PARP10: variants seen among roughly 807,000 people sequenced by gnomAD.
PARP10 encodes the protein poly(ADP-ribose) polymerase family member 10.
A neutral mutation model predicts 82.4 loss-of-function variants in PARP10; 56 were observed. The observed-to-expected ratio is 0.68, with a 90% CI of 0.55 to 0.85. PARP10 has a LOEUF of 0.85. Ranked by LOEUF, PARP10 falls within the 40% of genes least tolerant of loss-of-function variation. The pLI is 0.00. For missense variants in PARP10, 1,227 were observed against 1,379.4 expected (o/e 0.89, Z 1.75); for synonymous variants, 576 against 601.1 (o/e 0.96, Z 0.61).
At chr8:144,001,396 T>C (rs1834201731) in intron 1 of PARP10, among the ~76,000 whole-genome samples, 2 of 152,120 alleles carry the variant, frequency 1.3e-5, no homozygotes, top group Non-Finnish European at 2.9e-5. Context: ...AACCTTAGTT[T>C]TTAAAATATA....
chr8:143,983,592 G>A lies in PARP10; in HGVS notation c.1997C>T (p.Pro666Leu). Residue 666 changes from proline to leucine, a missense_variant, in exon 8 of 11, where the codon CCT (proline) becomes CTT (leucine). Pro to Leu is a moderately conservative substitution (Grantham distance 98, BLOSUM62 -3). Transcript: ENST00000313028. ...CTCCTGCTCAGCCACCTGACCTTGA[G>A]GCTCCAGTGACCGGTGGAGGGCCAG... ...LQLALHRSLEPQGQVAEQEEA... is the reference protein window; with the variant it reads ...LQLALHRSLELQGQVAEQEEA... The A allele has an allele frequency of 1.2e-6, 2 of 1,605,686 alleles. No homozygotes were observed. The highest frequency in any genetic ancestry group is 1.1e-5 in the South Asian group (1 of 89,650).
At position 143,978,088 on chromosome 8, in the gene PARP10, G is replaced by T; in HGVS notation, c.2557-7C>A. On this transcript the variant is annotated splice_region_variant and splice_polypyrimidine_tract_variant and intron_variant, in intron 9 of 10. Coordinates refer to ENST00000313028, the MANE Select transcript of PARP10 (RefSeq NM_032789.5). ...GGTGCGACACGCGCTCCACCTGCGG[G>T]GAAGGCCCGGGCCAGGATTAAACAC... is the stretch of plus-strand genomic sequence containing the variant. 1 of 1,502,666 alleles carries T rather than the reference G, an allele frequency of 6.7e-7. No homozygotes were observed. The highest frequency in any genetic ancestry group is 8.9e-7 in the Non-Finnish European group (1 of 1,126,486). The allele number at this position is 1,502,666 out of a possible 1,614,324, so 93.1% of individuals were successfully genotyped here.
chr8:144,012,759 G>A, exon 1 of PARP10: 1 of 1,548,984 alleles, frequency 6.5e-7, no homozygotes, highest in Non-Finnish European at 8.7e-7. Flanking sequence ...GAGTGAGGAG[G>A]GAAGTGGGGA....
At position 143,985,257 on chromosome 8, in the gene PARP10, T is replaced by C. The variant is rs11136344; in HGVS notation, c.745A>G (p.Ile249Val). ...TCAGCCAGCTCCTCGGGCTCCAGGA[T>C]GTCGTAGTGGGGGACAAGGCTCAGC... Reference protein sequence around the residue: ...SELSLVPHYDILEPEELAENT... With the variant: ...SELSLVPHYDVLEPEELAENT... Residue 249 changes from isoleucine to valine, a missense_variant, in exon 5 of 11, where the codon ATC (isoleucine) becomes GTC (valine). By Grantham distance (29) the Ile-to-Val change is conservative (BLOSUM62 3). Coordinates refer to ENST00000313028, the MANE Select transcript of PARP10 (RefSeq NM_032789.5). 0.42 allele frequency: 677,866 copies of C among 1,613,478 alleles called. 146,982 individuals are homozygous for C. The highest frequency in any genetic ancestry group is 0.6 in the African/African-American group (45,340 of 74,946).
chr8:143,992,625 CT>C, upstream of PARP10: 3 of 1,614,082 alleles, frequency 1.9e-6, no homozygotes, highest in Non-Finnish European at 2.5e-6. Context: ...GAGGGGTGAC[CT>C]TGGCCGGGGG....
chr8:144,000,153 A>G (rs1834191842), intron 1 of PARP10, among the ~76,000 whole-genome samples: 1 of 152,232 alleles, frequency 6.6e-6, no homozygotes. Context: ...CACCAAATTC[A>G]TATGCTGAAG....
intron 9 of PARP10, among the ~76,000 whole-genome samples, chr8:143,982,297 G>A (rs1362775643): frequency 1.3e-5 from 2 of 152,208 alleles, no homozygotes; most frequent in East Asian, 1.9e-4. Context: ...GTGAAACCCC[G>A]TCTCCACTAA....
chr8:144,009,410 G>A (rs1470665260), intron 1 of PARP10, among the ~76,000 whole-genome samples: 2 of 152,260 alleles, frequency 1.3e-5, no homozygotes, highest in East Asian at 3.9e-4. Context: ...GCCTTCTCCG[G>A]TTTTCCTGTC....
chr8:143,982,716 A>G (rs888808746), intron 9 of PARP10, among the ~76,000 whole-genome samples: 6 of 152,180 alleles, frequency 3.9e-5, no homozygotes, highest in Non-Finnish European at 7.4e-5. Context: ...ACCCTCACTC[A>G]GGCCTATCAG....
In PARP10 at chr8:143,977,349, G is replaced by T; in HGVS notation, c.*135C>A. On this transcript the variant is annotated 3_prime_UTR_variant, in exon 11 of 11. Transcript: ENST00000313028. Reference sequence around the variant, plus strand: ...GCTGCTGACCGCCATCCCCCACACCGCCTTCTGGAGCCCGCAGAGGGAGGC... The same window carrying T: ...GCTGCTGACCGCCATCCCCCACACCTCCTTCTGGAGCCCGCAGAGGGAGGC... The T allele has an allele frequency of 1.1e-6, 1 of 938,392 alleles. No individual in the cohort carries two copies. The highest frequency in any genetic ancestry group is 1.5e-6 in the Non-Finnish European group (1 of 647,888). 58.1% of individuals were successfully genotyped at this position (938,392 alleles called of 1,614,324 possible). A position where few individuals can be genotyped will look rare whatever the true frequency, so the allele number is the denominator to read the frequency against.
At chr8:143,986,526 G>A, upstream of PARP10, 1 of 975,090 alleles carries the variant, frequency 1.0e-6, no homozygotes, top group East Asian at 2.6e-5. Flanking sequence ...GGGTACTGGG[G>A]CTCAGATGCT....
At chr8:143,981,163 A>G (rs1833839593) in intron 9 of PARP10, among the ~76,000 whole-genome samples, 1 of 150,796 alleles carries the variant, frequency 6.6e-6, no homozygotes, top group African/African-American at 2.5e-5. Flanking sequence ...CGTATAATTA[A>G]CAAAACCACC....
chr8:143,987,675 G>A (rs1007395259), upstream of PARP10, among the ~76,000 whole-genome samples: 1 of 152,134 alleles, frequency 6.6e-6, no homozygotes, highest in Admixed American at 6.5e-5. Flanking sequence ...GGTGGATCAC[G>A]AGGTCAGGAG....
Position 143,984,115 on chromosome 8 carries a change from A to G in PARP10, c.1681-11T>C. On this transcript the variant is annotated splice_polypyrimidine_tract_variant and intron_variant, in intron 6 of 10. Transcript: ENST00000313028. ...CTCGGTAGGGTCCACCTGTAGGGAG[A>G]GGATGTCAGGACCACTAGCCTCTGG... is the stretch of plus-strand genomic sequence containing the variant. 6.4e-7 allele frequency: 1 copy of G among 1,553,684 alleles called. No individual in the cohort carries two copies. Among genetic ancestry groups the G allele is most frequent in the Non-Finnish European group, 8.7e-7 (1 of 1,148,302 alleles).
chr8:143,983,786 G>C lies in PARP10; in HGVS notation c.1803C>G (p.Thr601=). 1.3e-6 allele frequency: 2 copies of C among 1,599,380 alleles called. No homozygotes were observed. Among genetic ancestry groups the C allele is most frequent in the Non-Finnish European group, 8.5e-7 (1 of 1,170,724 alleles). Residue 601 remains threonine, a synonymous_variant, in exon 8 of 11, where the codon ACC becomes ACG. Coordinates refer to ENST00000313028, the MANE Select transcript of PARP10 (RefSeq NM_032789.5). The part of the protein sequence containing the change: ...SLEEVRELLA[T]LEGLDLDGED... ...CCCCGTCTAGGTCTAGGCCCTCCAGGGTGGCCAGCAGTTCTCGGACCTCCT... is the reference window on the plus strand; with the variant it reads ...CCCCGTCTAGGTCTAGGCCCTCCAGCGTGGCCAGCAGTTCTCGGACCTCCT...
Position 143,977,585 on chromosome 8 carries a change from C to G in PARP10, c.2977G>C (p.Asp993His). The stretch of plus-strand genomic sequence containing the variant: ...AGGTGGGTGGGCAGCGCCTGGGTGT[C>G]GTGGAAGATGACGAAGATGCTGGGC... ...CQPSIFVIFH[D>H]TQALPTHLIT... Residue 993 changes from aspartate (D) to histidine (H), a missense_variant, in exon 11 of 11, where the codon GAC (aspartate) becomes CAC (histidine). Physicochemically the swap from Asp to His is moderately conservative, Grantham distance 81. Coordinates refer to ENST00000313028, the MANE Select transcript of PARP10 (RefSeq NM_032789.5). The G allele has an allele frequency of 6.3e-7, 1 of 1,579,030 alleles. No homozygotes were observed.
At chr8:143,994,754 G>C (rs1834150478), upstream of PARP10, among the ~76,000 whole-genome samples, 1 of 151,988 alleles carries the variant, frequency 6.6e-6, no homozygotes, top group Non-Finnish European at 1.5e-5. Flanking sequence ...GCAGCGAGTG[G>C]GCCACACGGC....
intron 1 of PARP10, among the ~76,000 whole-genome samples, chr8:144,004,281 T>C (rs1448684113): frequency 2.0e-5 from 3 of 152,038 alleles, no homozygotes; most frequent in African/African-American, 7.2e-5. Flanking sequence ...GAAATCTGCA[T>C]GGTGTCCCCC....
intron 1 of PARP10, among the ~76,000 whole-genome samples, chr8:144,007,004 G>A (rs555271645): frequency 2.0e-5 from 3 of 152,174 alleles, no homozygotes; most frequent in Non-Finnish European, 4.4e-5. Flanking sequence ...CTCCCAGCCT[G>A]AATGCCGCCC....
Sources: allele counts gnomAD v4.1 joint callset (sites outside exome capture counted in the v4.1 genomes callset), GRCh38; gene constraint gnomAD v4.1.1; transcripts MANE v1.5; gene names NCBI Gene and HGNC (gene_info 2026-07-23, HGNC 2026-07-21).